The following PRKDC variants were observed in gnomAD, a reference collection of about 807,000 sequenced individuals.
The protein encoded by PRKDC is protein kinase, DNA-activated, catalytic subunit.
PRKDC carries 82 observed loss-of-function variants against 486.9 expected under a neutral mutation model. That is an observed-to-expected ratio of 0.17 (90% confidence interval 0.14 to 0.20). The LOEUF (loss-of-function observed/expected upper bound fraction) is 0.20, where lower values mean the gene tolerates loss of function less well. PRKDC is among the 10% of genes least tolerant of loss of function. The pLI, the probability that PRKDC is intolerant of heterozygous loss-of-function variation, is 1.00. For synonymous variants in PRKDC, 1,895 were observed against 1,837.0 expected (o/e 1.03, Z -0.81); for missense variants, 4,504 against 5,038.2 (o/e 0.89, Z 3.21).
chr8:47,912,445 G>T lies in PRKDC; in HGVS notation c.2899C>A (p.Pro967Thr), dbSNP rs773103276. The T allele has an allele frequency of 3.0e-5, 48 of 1,607,266 alleles. No individual in the cohort carries two copies. The highest frequency in any genetic ancestry group is 3.7e-5 in the Non-Finnish European group (43 of 1,176,864). The change falls in exon 25 of 86, where the codon CCT (proline) becomes ACT (threonine). Residue 967 changes from proline to threonine, a missense_variant. Physicochemically the swap from Pro to Thr is conservative, Grantham distance 38. Around this residue, in one of 6 missense-constraint regions of PRKDC, gnomAD observed 1,969 missense variants for 2,068.9 expected, o/e 0.95. Coordinates refer to ENST00000314191, the MANE Select transcript of PRKDC (RefSeq NM_006904.7). The part of the protein sequence containing the change: ...PMYQLYKRTF[P>T]VLLRLACDVD... ...TCACACGCAAGTCGAAGCAGCACAG[G>T]AAACGTCCGCTTATAGAGCTGGTAC...
chr8:47,893,440 C>G (rs546991429), intron 30 of PRKDC, 53 bp from the exon 31 acceptor site: 1 of 1,375,618 alleles, frequency 7.3e-7, no homozygotes. Flanking sequence ...TTTCTTTAAT[C>G]TAATCTTTGT....
At chr8:47,775,213 AAATT>A (rs1328054082) in intron 85 of PRKDC, among the ~76,000 whole-genome samples, 45 of 146,730 alleles carry the variant, frequency 3.1e-4, no homozygotes, top group East Asian at 8.0e-4. Flanking sequence ...ATAAATAAAT[AAATT>A]AATTAATTAA....
chr8:47,792,166 G>T (rs996545610), intron 74 of PRKDC, among the ~76,000 whole-genome samples: 1 of 151,664 alleles, frequency 6.6e-6, no homozygotes, highest in African/African-American at 2.4e-5. Context: ...AGGGGAGGTG[G>T]AAAGCGGGGA....
chr8:47,960,107 C>G lies in PRKDC; in HGVS notation c.20G>C (p.Gly7Ala), dbSNP rs764675406. 9.3e-6 allele frequency: 14 copies of G among 1,510,386 alleles called. No homozygotes were observed. The highest frequency in any genetic ancestry group is 2.6e-5 in the East Asian group (1 of 38,592). 93.6% of individuals were successfully genotyped at this position (1,510,386 alleles called of 1,614,324 possible). A position where few individuals can be genotyped will look rare whatever the true frequency, so the allele number is the denominator to read the frequency against. ...CAGCCGCAGCAGGGAGCAACGCACA[C>G]CGGCTCCGGAGCCCGCCATGCCGCC... is the stretch of plus-strand genomic sequence containing the variant. MAGSGAGVRCSLLRLQE... is the reference protein window; with the variant it reads MAGSGAAVRCSLLRLQE... The change falls in exon 1 of 86, where the codon GGT becomes GCT. Residue 7 changes from glycine (G) to alanine (A), a missense_variant. Gly to Ala is a moderately conservative substitution (Grantham distance 60, BLOSUM62 0). Around this residue, in one of 6 missense-constraint regions of PRKDC, gnomAD observed 145 missense variants for 136.3 expected, o/e 1.06. Transcript: ENST00000314191.
chr8:47,908,656 T>C (rs2089838206), intron 25 of PRKDC, among the ~76,000 whole-genome samples: 2 of 152,164 alleles, frequency 1.3e-5, no homozygotes, highest in Admixed American at 1.3e-4. Flanking sequence ...ATAAAGACAT[T>C]CTCCAGACTT....
In PRKDC at chr8:47,889,171, T is replaced by A. The variant is rs750714859; in HGVS notation, c.4123A>T (p.Thr1375Ser). ...NTHLMRVLVQ[T>S]LCEPASIGFN... ...CCTATGCTTGCGGGCTCACACAGCG[T>A]CTGCACCAGGACTCTCATCAGGTGT... The change falls in exon 33 of 86, where the codon ACG becomes TCG. Residue 1375 changes from threonine (T) to serine (S), a missense_variant. Physicochemically the swap from Thr to Ser is moderately conservative, Grantham distance 58. Around this residue, in one of 6 missense-constraint regions of PRKDC, gnomAD observed 1,969 missense variants for 2,068.9 expected, o/e 0.95. Coordinates refer to ENST00000314191, the MANE Select transcript of PRKDC (RefSeq NM_006904.7). 22 of 1,613,790 alleles carry A rather than the reference T, an allele frequency of 1.4e-5. No individual in the cohort carries two copies. In the East Asian group the frequency reaches 1.8e-4, roughly 13 times the overall value.
Position 47,837,378 on chromosome 8 carries a change from G to A in PRKDC, c.7595C>T (p.Pro2532Leu). 6.2e-7 allele frequency: 1 copy of A among 1,612,374 alleles called. No homozygotes were observed. Among genetic ancestry groups the A allele is most frequent in the Non-Finnish European group, 8.5e-7 (1 of 1,178,450 alleles). ...RNFWSHETRL[P>L]SNTLDRLLAL... ...CAGCAACCGGTCCAAGGTATTTGAA[G>A]GTAACCTAGTTTCATGGCTCCAGAA... The change falls in exon 57 of 86, where the codon CCT becomes CTT. Residue 2532 changes from proline (P) to leucine (L), a missense_variant. By Grantham distance (98) the Pro-to-Leu change is moderately conservative (BLOSUM62 -3). Transcript: ENST00000314191.
intron 80 of PRKDC, among the ~76,000 whole-genome samples, chr8:47,780,666 G>A (rs755169776): frequency 2.0e-5 from 3 of 152,154 alleles, no homozygotes; most frequent in Non-Finnish European, 4.4e-5. Context: ...TAGGCCGGGC[G>A]CAGTGGCTCA....
chr8:47,943,061 ATGGC>A, intron 10 of PRKDC, 144 bp downstream of exon 10: 1 of 1,034,188 alleles, frequency 9.7e-7, no homozygotes, highest in Non-Finnish European at 1.4e-6. Context: ...TGCCTCCCAT[ATGGC>A]TGGCTGATCA....
intron 29 of PRKDC, among the ~76,000 whole-genome samples, chr8:47,897,879 G>C (rs982564515): frequency 9.9e-5 from 15 of 152,200 alleles, no homozygotes; most frequent in African/African-American, 3.6e-4. Flanking sequence ...TGCTTCTCCA[G>C]AGTGGCGGTC....
intron 80 of PRKDC, among the ~76,000 whole-genome samples, chr8:47,780,246 G>T (rs578018632): frequency 6.6e-6 from 1 of 152,104 alleles, no homozygotes; most frequent in Non-Finnish European, 1.5e-5. Flanking sequence ...TTTCCAATAG[G>T]TAGATATACA....
chr8:47,952,162 A>G (rs1347082820), intron 7 of PRKDC, among the ~76,000 whole-genome samples: 1 of 152,250 alleles, frequency 6.6e-6, no homozygotes, highest in African/African-American at 2.4e-5. Flanking sequence ...AGATTTCTGT[A>G]CAACAATGAT....
intron 44 of PRKDC, 29 bp downstream of exon 44, chr8:47,862,032 GT>G (rs758071440): frequency 8.6e-6 from 13 of 1,510,244 alleles, no homozygotes; most frequent in Non-Finnish European, 1.2e-5. Context: ...CACTTGATAA[GT>G]TTTTTTTAAC....
At chr8:47,835,511 G>T (rs2087995084) in intron 58 of PRKDC, among the ~76,000 whole-genome samples, 1 of 150,608 alleles carries the variant, frequency 6.6e-6, no homozygotes, top group Admixed American at 6.6e-5. Context: ...CAGCTACTCA[G>T]GAGGCTGAGG....
chr8:47,802,070 C>T (rs1004559743), intron 70 of PRKDC, among the ~76,000 whole-genome samples: 1 of 152,150 alleles, frequency 6.6e-6, no homozygotes, highest in East Asian at 1.9e-4. Flanking sequence ...TCTTCTTCTT[C>T]TTCTTTTTTT....
intron 25 of PRKDC, among the ~76,000 whole-genome samples, chr8:47,909,099 G>C (rs2089848453): frequency 1.3e-5 from 2 of 152,106 alleles, no homozygotes; most frequent in Non-Finnish European, 2.9e-5. Context: ...GGCAGTGTCT[G>C]GTCACCCTGG....
Position 47,864,632 on chromosome 8 carries a change from C to A in PRKDC, c.5495G>T (p.Ser1832Ile), listed in dbSNP as rs1486293432. The change falls in exon 41 of 86, where the codon AGC (serine) becomes ATC (isoleucine). Residue 1832 changes from serine (S) to isoleucine (I), a missense_variant. By Grantham distance (142) the Ser-to-Ile change is moderately radical (BLOSUM62 -2). Coordinates refer to ENST00000314191, the MANE Select transcript of PRKDC (RefSeq NM_006904.7). ...GAAGAATTCTCTCAAAGCATCCAGGCTACAGTGCCACAGCAGAGTGAGGAG... is the reference window on the plus strand; with the variant it reads ...GAAGAATTCTCTCAAAGCATCCAGGATACAGTGCCACAGCAGAGTGAGGAG... The part of the protein sequence containing the change: ...RSLLTLLWHC[S>I]LDALREFFST... The A allele has an allele frequency of 6.2e-7, 1 of 1,609,744 alleles. No individual in the cohort carries two copies. Among genetic ancestry groups the A allele is most frequent in the South Asian group, 1.1e-5 (1 of 90,122 alleles).
intron 40 of PRKDC, among the ~76,000 whole-genome samples, chr8:47,875,179 T>C (rs1435224207): frequency 6.6e-6 from 1 of 152,272 alleles, no homozygotes; most frequent in Admixed American, 6.5e-5. Flanking sequence ...TCAGTTTTGG[T>C]AATTTACGAC....
Position 47,831,934 on chromosome 8 carries a change from G to A in PRKDC, c.8153-8C>T, listed in dbSNP as rs780102495. The A allele has an allele frequency of 3.1e-6, 5 of 1,608,042 alleles. No homozygotes were observed. Among genetic ancestry groups the A allele is most frequent in the African/African-American group, 1.3e-5 (1 of 74,926 alleles). ...CCGTCCGGCCGGCCGCACCTGGAGA[G>A]GGAAAGCAGGCCCAGTTACTCCCCG... On this transcript the variant is annotated splice_region_variant and splice_polypyrimidine_tract_variant and intron_variant, in intron 59 of 85. Coordinates refer to ENST00000314191, the MANE Select transcript of PRKDC (RefSeq NM_006904.7).
Sources: allele counts gnomAD v4.1 joint callset (sites outside exome capture counted in the v4.1 genomes callset), GRCh38; gene constraint gnomAD v4.1.1; regional missense constraint gnomAD v4.1.1; transcripts MANE v1.5; gene names NCBI Gene and HGNC (gene_info 2026-07-23, HGNC 2026-07-21).